SORL1: variants seen among roughly 807,000 people sequenced by gnomAD.
SORL1 encodes sortilin-related receptor.
Under a neutral mutation model 273.7 loss-of-function variants are expected in SORL1, and 127 were observed. The ratio of observed to expected loss-of-function variants is 0.46; its 90% CI spans 0.40 to 0.54. The LOEUF is 0.54. Among genes scored for constraint, SORL1 ranks in the 20% least tolerant of loss-of-function variants. SORL1 has a pLI of 0.00. For synonymous variants in SORL1, 1,031 were observed against 1,067.4 expected, an observed-to-expected ratio of 0.97 and a Z score of 0.66; for missense variants, 2,494 against 2,846.1, an observed-to-expected ratio of 0.88 and a Z score of 2.81.
At chr11:121,625,527 T>G (rs1292139552) in intron 46 of SORL1, among the ~76,000 whole-genome samples, 2 of 152,200 alleles carry the variant, frequency 1.3e-5, no homozygotes, top group Non-Finnish European at 2.9e-5. Context: ...AAGGCAAGGC[T>G]TTGTTTAAAA....
chr11:121,590,108 C>T lies in SORL1; in HGVS notation c.4147C>T (p.Pro1383Ser). 1 of 1,614,168 alleles carries T rather than the reference C, an allele frequency of 6.2e-7. No individual in the cohort carries two copies. Among genetic ancestry groups the T allele is most frequent in the Non-Finnish European group, 8.5e-7 (1 of 1,180,020 alleles). Residue 1383 changes from proline (P) to serine (S), a missense_variant, in exon 30 of 48, where the codon CCC becomes TCC. Transcript: ENST00000260197. ...TCGGTGTGAGAATGGCCACTGCATC[C>T]CCAACAGATGGAAATGTGACAGGGA... The part of the protein sequence containing the change: ...QFRCENGHCI[P>S]NRWKCDREND...
In SORL1 at chr11:121,550,676, AG is replaced by A. The variant is rs1472019852; in HGVS notation, c.2266+7del. 3.1e-6 allele frequency: 5 copies of A among 1,610,448 alleles called. No homozygotes were observed. The highest frequency in any genetic ancestry group is 3.4e-6 in the Non-Finnish European group (4 of 1,176,808). ...GGTCCCCTGTCCCCTGGCAGGTAAG[AG>A]AGGTGGTTTCTTCCCTTTCATTTCT... On this transcript the variant is annotated splice_region_variant and intron_variant, in intron 16 of 47. Coordinates refer to ENST00000260197, the MANE Select transcript of SORL1 (RefSeq NM_003105.6). This position sits in a 1 kb window ranked among gnomAD's most constrained non-coding sequence, Gnocchi z 5.3.
At chr11:121,551,566 C>T (rs1862507045) in intron 16 of SORL1, among the ~76,000 whole-genome samples, 2 of 152,198 alleles carry the variant, frequency 1.3e-5, no homozygotes, top group Non-Finnish European at 1.5e-5. Context: ...CCCTCTGTGC[C>T]CTCTTTCCTG....
At chr11:121,589,190 G>A (rs2134897957) in intron 28 of SORL1, 69 bp from the exon 29 acceptor site, 1 of 1,577,934 alleles carries the variant, frequency 6.3e-7, no homozygotes, top group Non-Finnish European at 8.7e-7. Context: ...TTGCTTCTGG[G>A]CACCACTGCT....
At chr11:121,499,503 G>T (rs960611065) in intron 6 of SORL1, among the ~76,000 whole-genome samples, 1 of 152,224 alleles carries the variant, frequency 6.6e-6, no homozygotes, top group South Asian at 2.1e-4. Flanking sequence ...GAGAAACTCT[G>T]CCCTGAGCCT....
chr11:121,500,260 A>G (rs1262497227), intron 6 of SORL1, among the ~76,000 whole-genome samples: 1 of 152,160 alleles, frequency 6.6e-6, no homozygotes, highest in Middle Eastern at 3.2e-3. Context: ...CTCCCCTACA[A>G]CCTCACAACC....
At position 121,488,072 on chromosome 11, in the gene SORL1, C is replaced by T. The variant is rs1245988912; in HGVS notation, c.569C>T (p.Thr190Met). 3.1e-6 allele frequency: 5 copies of T among 1,614,054 alleles called. No individual in the cohort carries two copies. Among genetic ancestry groups the T allele is most frequent in the Admixed American group, 1.7e-5 (1 of 60,004 alleles). The change falls in exon 4 of 48, where the codon ACG becomes ATG. Residue 190 changes from threonine (T) to methionine (M), a missense_variant. Thr to Met is a moderately conservative substitution (Grantham distance 81). Transcript: ENST00000260197. ...ADAYAQYLWITFDFCNTLQGF... is the reference protein window; with the variant it reads ...ADAYAQYLWIMFDFCNTLQGF... ...GCTTATGCCCAGTACCTCTGGATCA[C>T]GTTTGACTTCTGCAACACTCTTCAA...
intron 1 of SORL1, among the ~76,000 whole-genome samples, chr11:121,453,695 C>G (rs1364693544): frequency 2.0e-5 from 3 of 152,178 alleles, no homozygotes; most frequent in African/African-American, 7.2e-5. Flanking sequence ...AATGTTCAAC[C>G]CTTGGATCCA....
chr11:121,530,411 T>C (rs1285390511), intron 11 of SORL1, among the ~76,000 whole-genome samples: 1 of 152,222 alleles, frequency 6.6e-6, no homozygotes, highest in East Asian at 1.9e-4. Context: ...ATATGTTTAT[T>C]GGATAGAGAA....
In SORL1 at chr11:121,627,699, C is replaced by T; in HGVS notation, c.6509C>T (p.Thr2170Ile). The change falls in exon 47 of 48, where the codon ACC becomes ATC. Residue 2170 changes from threonine (T) to isoleucine (I), a missense_variant. Physicochemically the swap from Thr to Ile is moderately conservative, Grantham distance 89. This residue lies in a region of SORL1 where 1,609 missense variants were observed against 1,816.4 expected (regional missense o/e 0.89). Transcript: ENST00000260197. This position sits in a 1 kb window ranked among gnomAD's most constrained non-coding sequence, Gnocchi z 4.9. ...TKHRRLQSSF[T>I]AFANSHYSSR... Reference sequence around the variant, plus strand: ...CACCGGAGGCTGCAGAGCAGCTTCACCGCCTTCGCCAACAGCCACTACAGC... The same window carrying T: ...CACCGGAGGCTGCAGAGCAGCTTCATCGCCTTCGCCAACAGCCACTACAGC... 6.2e-7 allele frequency: 1 copy of T among 1,614,140 alleles called. No homozygotes were observed. Among genetic ancestry groups the T allele is most frequent in the East Asian group, 2.2e-5 (1 of 44,888 alleles).
intron 21 of SORL1, among the ~76,000 whole-genome samples, chr11:121,560,498 C>A (rs1260959036): frequency 6.6e-6 from 1 of 152,190 alleles, no homozygotes; most frequent in Non-Finnish European, 1.5e-5. Flanking sequence ...GAAGAATAGT[C>A]CCTTTAAGAA....
chr11:121,460,872 A>G (rs1054624345), intron 1 of SORL1, among the ~76,000 whole-genome samples: 2 of 152,094 alleles, frequency 1.3e-5, no homozygotes, highest in African/African-American at 2.4e-5. Flanking sequence ...AAGGTCCCAG[A>G]TAGTTAAGGA....
intron 2 of SORL1, among the ~76,000 whole-genome samples, chr11:121,474,296 C>T (rs1460127872): frequency 6.6e-6 from 1 of 151,930 alleles, no homozygotes; most frequent in Admixed American, 6.6e-5. Context: ...TGAATCAGAA[C>T]CTGCACTTGA....
chr11:121,483,854 G>A (rs1017244216), intron 3 of SORL1, among the ~76,000 whole-genome samples: 4 of 152,168 alleles, frequency 2.6e-5, no homozygotes, highest in Admixed American at 2.0e-4. Context: ...GGAATCAAAT[G>A]AGGTTGGATC....
At chr11:121,586,706 G>GGGC (rs1863120139) in intron 27 of SORL1, among the ~76,000 whole-genome samples, 2 of 10,362 alleles carry the variant, frequency 1.9e-4, no homozygotes, top group South Asian at 2.5e-3. Flanking sequence ...GGGGGGGGGC[G>GGGC]GGGGGGGGGC....
intron 32 of SORL1, among the ~76,000 whole-genome samples, chr11:121,602,512 C>A (rs1863409299): frequency 6.6e-6 from 1 of 152,186 alleles, no homozygotes; most frequent in South Asian, 2.1e-4. Flanking sequence ...ATCCCTGGAT[C>A]CTTTATCCAT....
At chr11:121,493,771 CTTTGTTTCTT>C (rs1861590859) in intron 5 of SORL1, among the ~76,000 whole-genome samples, 1 of 152,052 alleles carries the variant, frequency 6.6e-6, no homozygotes, top group African/African-American at 2.4e-5. Flanking sequence ...TAGATACTGC[CTTTGTTTCTT>C]TTAGTTCTCC....
In SORL1 at chr11:121,520,689, A is replaced by G; in HGVS notation, c.1244A>G (p.His415Arg). ...YFANEPFADF[H>R]RVEGLQGVYI... is the part of the protein sequence containing the mutation. ...GCAAATGAACCATTTGCTGACTTCC[A>G]CCGAGTGGAAGGATTGCAAGGAGTC... is the stretch of plus-strand genomic sequence containing the variant. The change falls in exon 9 of 48, where the codon CAC becomes CGC. Residue 415 changes from histidine (H) to arginine (R), a missense_variant. Around this residue, in one of 3 missense-constraint regions of SORL1, gnomAD observed 710 missense variants for 882.5 expected, o/e 0.80. Transcript: ENST00000260197. 6.3e-7 allele frequency: 1 copy of G among 1,589,784 alleles called. No homozygotes were observed.
chr11:121,610,052 G>A (rs1218272442), intron 38 of SORL1: 1 of 152,176 alleles, frequency 6.6e-6, no homozygotes, highest in Non-Finnish European at 1.5e-5. Flanking sequence ...TTTTCCTGAA[G>A]CCTAGTTTTA....
Sources: gnomAD v4.1 joint callset for allele counts (sites outside exome capture counted in the v4.1 genomes callset) on GRCh38, gnomAD v4.1.1 for gene constraint, gnomAD v4.1.1 regional missense constraint, Gnocchi (gnomAD v3.1) non-coding constraint, MANE v1.5 for transcripts, NCBI Gene and HGNC (gene_info 2026-07-23, HGNC 2026-07-21) for gene names.